The following RFT1 variants were observed in gnomAD, a reference collection of about 807,000 sequenced individuals.
The protein encoded by RFT1 is RFT1 glycolipid translocator homolog, also known as man(5)GlcNAc(2)-PP-dolichol translocation protein RFT1.
RFT1 carries 43 observed loss-of-function variants against 62.2 expected under a neutral mutation model. The observed-to-expected ratio is 0.69, with a 90% CI of 0.54 to 0.89. The LOEUF is 0.89. Among genes scored for constraint, RFT1 ranks in the 40% least tolerant of loss-of-function variants. RFT1 has a pLI of 0.00. For missense variants in RFT1, 605 were observed against 649.9 expected (o/e 0.93, Z 0.75); for synonymous variants, 262 against 264.6 (o/e 0.99, Z 0.10).
At chr3:53,123,554 G>T (rs1237747281) in intron 3 of RFT1, among the ~76,000 whole-genome samples, 170 bp downstream of exon 3, 8 of 152,234 alleles carry the variant, frequency 5.3e-5, no homozygotes, top group African/African-American at 1.7e-4. Context: ...GAGCCAAGAA[G>T]TTCCTTTGAC....
Position 53,103,987 on chromosome 3 carries a change from A to G in RFT1, c.1068T>C (p.Asp356=), listed in dbSNP as rs1249431393. ...AGCTAAGCATGGTCCCTCCGTAGAT[A>G]TCCAGAGCCAGCTGAGAATAGGCAA... ...FGFAYSQLAL[D]IYGGTMLSSG... The change falls in exon 10 of 13, where the codon GAT becomes GAC. Residue 356 remains aspartate, a synonymous_variant. Transcript: ENST00000296292. 2 of 1,614,248 alleles carry G rather than the reference A, an allele frequency of 1.2e-6. No individual in the cohort carries two copies. Among genetic ancestry groups the G allele is most frequent in the Non-Finnish European group, 1.7e-6 (2 of 1,180,038 alleles).
intron 6 of RFT1, among the ~76,000 whole-genome samples, chr3:53,117,223 C>T (rs1006916954): frequency 2.0e-5 from 3 of 152,222 alleles, no homozygotes. Flanking sequence ...TGGTGTAGTG[C>T]ATGGCACAAA....
intron 7 of RFT1, among the ~76,000 whole-genome samples, chr3:53,108,813 C>A (rs1223345686): frequency 6.6e-6 from 1 of 151,646 alleles, no homozygotes; most frequent in African/African-American, 2.4e-5. Flanking sequence ...GGATAACAGG[C>A]GCCTGCCACC....
intron 5 of RFT1, among the ~76,000 whole-genome samples, chr3:53,120,777 A>C (rs560397214): frequency 2.6e-5 from 4 of 152,220 alleles, no homozygotes; most frequent in Non-Finnish European, 5.9e-5. Flanking sequence ...GGCAATATCA[A>C]GGCTGCTCCT....
At position 53,110,639 on chromosome 3, in the gene RFT1, A is replaced by G. The variant is rs145027399; in HGVS notation, c.775+1191T>C. ...AGTTGCTTTCTTTTGGAGACATAAT[A>G]AACAAAAAATACAGATGGGGGGGAA... On this transcript the variant is annotated intron_variant, in intron 7 of 12. Coordinates refer to ENST00000296292, the MANE Select transcript of RFT1 (RefSeq NM_052859.4). Among the ~76,000 whole-genome samples the G allele has an allele frequency of 4.5e-3, 690 of 152,306 alleles. 3 individuals carry two copies. The highest frequency in any genetic ancestry group is 0.016 in the African/African-American group (646 of 41,566).
chr3:53,067,008 C>A, the RFT1 span, among the ~76,000 whole-genome samples: 2 of 152,212 alleles, frequency 1.3e-5, no homozygotes, highest in African/African-American at 2.4e-5. Context: ...ACAACTGTTA[C>A]ACAGGGCAGC....
chr3:53,130,202 G>C (rs1345728652), intron 1 of RFT1, 136 bp downstream of exon 1: 11 of 887,254 alleles, frequency 1.2e-5, no homozygotes, highest in Non-Finnish European at 1.8e-5. Flanking sequence ...GTCTCCGGTC[G>C]ACCCCCCCAC....
chr3:53,096,132 T>A (rs1021023807), intron 11 of RFT1, among the ~76,000 whole-genome samples: 1 of 152,186 alleles, frequency 6.6e-6, no homozygotes, highest in African/African-American at 2.4e-5. Context: ...TCTCAGCACA[T>A]CACATTTTCT....
At chr3:53,074,380 T>C in the RFT1 span, among the ~76,000 whole-genome samples, 1 of 152,188 alleles carries the variant, frequency 6.6e-6, no homozygotes, top group Non-Finnish European at 1.5e-5. Flanking sequence ...GGAGCCCTCC[T>C]GTGGCCAGAT....
At chr3:53,096,754 A>G (rs112600182) in intron 11 of RFT1, among the ~76,000 whole-genome samples, 1 of 151,984 alleles carries the variant, frequency 6.6e-6, no homozygotes, top group Non-Finnish European at 1.5e-5. Flanking sequence ...TCTTCTCTCT[A>G]TATATTTTTT....
At position 53,105,714 on chromosome 3, in the gene RFT1, T is replaced by C. The variant is rs1260258163; in HGVS notation, c.916A>G (p.Lys306Glu). 3.1e-6 allele frequency: 5 copies of C among 1,613,778 alleles called. No homozygotes were observed. Among genetic ancestry groups the C allele is most frequent in the Non-Finnish European group, 4.2e-6 (5 of 1,179,872 alleles). The change falls in exon 9 of 13, where the codon AAG (lysine) becomes GAG (glutamate). Residue 306 changes from lysine to glutamate, a missense_variant. Lys to Glu is a moderately conservative substitution (Grantham distance 56). Transcript: ENST00000296292. ...IEESFYIFFA[K>E]VLERGKDATL... Reference sequence around the variant, plus strand: ...GCATCCTTTCCCCTCTCCAGCACCTTAGCAAAAAATATATAAAAACTTTCC... The same window carrying C: ...GCATCCTTTCCCCTCTCCAGCACCTCAGCAAAAAATATATAAAAACTTTCC...
At chr3:53,076,741 A>G in the RFT1 span, among the ~76,000 whole-genome samples, 1 of 152,164 alleles carries the variant, frequency 6.6e-6, no homozygotes, top group Non-Finnish European at 1.5e-5. Context: ...GCTTGAGGCC[A>G]GGAGTTCAAG....
At chr3:53,107,101 A>AT (rs1258882837) in intron 7 of RFT1, among the ~76,000 whole-genome samples, 1 of 151,382 alleles carries the variant, frequency 6.6e-6, no homozygotes, top group East Asian at 2.0e-4. Flanking sequence ...TAAATTACAA[A>AT]TAAAAAAAAA....
Position 53,107,136 on chromosome 3 carries a change from G to GT in RFT1, c.776-268dup, listed in dbSNP as rs144970745. ...ATAAAAATAAAACAAGTCTAAAAAG[G>GT]TTTTTTTTTTTTTTTTTGAGACGGA... On this transcript the variant is annotated intron_variant, in intron 7 of 12. Transcript: ENST00000296292. 0.25 allele frequency among the ~76,000 whole-genome samples: 34,227 copies of GT among 139,506 alleles called. 4,530 individuals carry two copies. The highest frequency in any genetic ancestry group is 0.36 in the Middle Eastern group (92 of 256). The allele number at this position is 139,506 out of a possible 152,430, so 91.5% of individuals were successfully genotyped here.
At chr3:53,071,286 G>T in the RFT1 span, among the ~76,000 whole-genome samples, 1 of 152,144 alleles carries the variant, frequency 6.6e-6, no homozygotes, top group South Asian at 2.1e-4. Flanking sequence ...CTGAGCCGGC[G>T]TGTCCCCATC....
intron 2 of RFT1, among the ~76,000 whole-genome samples, 170 bp from the exon 3 acceptor site, chr3:53,124,010 CTAA>C (rs1398768543): frequency 6.6e-6 from 1 of 152,170 alleles, no homozygotes; most frequent in East Asian, 1.9e-4. Context: ...TCCATGAGAA[CTAA>C]TGAGTTAGGA....
the RFT1 span, among the ~76,000 whole-genome samples, chr3:53,082,089 G>T: frequency 6.6e-6 from 1 of 151,992 alleles, no homozygotes; most frequent in African/African-American, 2.4e-5. Context: ...GACCACAGGC[G>T]AGAGCCACCA....
the RFT1 span, among the ~76,000 whole-genome samples, chr3:53,082,215 G>A: frequency 1.1e-4 from 17 of 152,300 alleles, no homozygotes; most frequent in East Asian, 2.7e-3. Flanking sequence ...GGTGGCTCAT[G>A]CCTGTAATTC....
chr3:53,118,113 C>A (rs1222205796), intron 6 of RFT1, among the ~76,000 whole-genome samples: 2 of 152,266 alleles, frequency 1.3e-5, no homozygotes, highest in Non-Finnish European at 2.9e-5. Flanking sequence ...AGCTGGCCAC[C>A]ACAGAGTTTA....
Sources: allele counts gnomAD v4.1 joint callset (sites outside exome capture counted in the v4.1 genomes callset), GRCh38; gene constraint gnomAD v4.1.1; transcripts MANE v1.5; gene names NCBI Gene and HGNC (gene_info 2026-07-23, HGNC 2026-07-21).